Variants in EFCAB6 observed in about 807,000 individuals in gnomAD.
EFCAB6 encodes EF-hand calcium binding domain 6.
EFCAB6 carries 156 observed loss-of-function variants against 169.8 expected under a neutral mutation model. That is an observed-to-expected ratio of 0.92 (90% CI 0.81 to 1.05). EFCAB6 has a LOEUF of 1.05. Ranked by LOEUF, EFCAB6 falls within the 50% of genes least tolerant of loss-of-function variation. The pLI, the probability that EFCAB6 is intolerant of heterozygous loss-of-function variation, is 0.00. For missense variants in EFCAB6, 1,800 were observed against 1,829.1 expected (o/e 0.98, Z 0.29); for synonymous variants, 698 against 676.4 (o/e 1.03, Z -0.50).
intron 9 of EFCAB6, among the ~76,000 whole-genome samples, chr22:43,715,701 A>G (rs1556273892): frequency 2.0e-5 from 3 of 152,174 alleles, no homozygotes; most frequent in Non-Finnish European, 4.4e-5. Context: ...TGGATTGTGA[A>G]TAGTTTATTA....
At chr22:43,653,518 G>C (rs1222685857) in intron 17 of EFCAB6, among the ~76,000 whole-genome samples, 2 of 152,100 alleles carry the variant, frequency 1.3e-5, no homozygotes, top group South Asian at 2.1e-4. Context: ...CATGTAAACA[G>C]CTTGGAAGTC....
In EFCAB6 at chr22:43,530,874, TGCGCCGCATTG is replaced by T. The variant is rs2047016427; in HGVS notation, c.4313_4323del (p.Pro1438HisfsTer6). The T allele has an allele frequency of 6.2e-7, 1 of 1,614,108 alleles. No homozygotes were observed. Among genetic ancestry groups the T allele is most frequent in the Non-Finnish European group, 8.5e-7 (1 of 1,180,054 alleles). On this transcript the variant is annotated frameshift_variant, in exon 31 of 32. Transcript: ENST00000262726. LOFTEE classifies it high-confidence loss of function. ...CCAGCCTCATCATAGCTTTTGAACGTGCGCCGCATTGGCCTCCAGCAGTGCACAATTTTGGG... is the reference window on the plus strand; with the variant it reads ...CCAGCCTCATCATAGCTTTTGAACGTGCCTCCAGCAGTGCACAATTTTGGG...
Position 43,540,147 on chromosome 22 carries a change from T to C in EFCAB6, c.3859A>G (p.Lys1287Glu), listed in dbSNP as rs1302027337. Reference protein sequence around the residue: ...LPTQELRPGSKSQSHPCTPAS... With the variant: ...LPTQELRPGSESQSHPCTPAS... ...CTCACACAGGGGTGGCTCTGCGACT[T>C]TGACCCTGGTCTCAGCTCCTGAGTG... Residue 1287 changes from lysine (K) to glutamate (E), a missense_variant, in exon 28 of 32, where the codon AAG (lysine) becomes GAG (glutamate). Transcript: ENST00000262726. The C allele has an allele frequency of 1.2e-6, 2 of 1,614,118 alleles. No individual in the cohort carries two copies. Among genetic ancestry groups the C allele is most frequent in the South Asian group, 2.2e-5 (2 of 91,086 alleles).
intron 15 of EFCAB6, among the ~76,000 whole-genome samples, chr22:43,670,326 T>C (rs183245898): frequency 8.5e-5 from 13 of 152,224 alleles, no homozygotes; most frequent in Admixed American, 8.5e-4. Context: ...TTCTTCAGAG[T>C]ATAAAAGTGT....
chr22:43,774,988 G>C (rs2061592628), intron 3 of EFCAB6, among the ~76,000 whole-genome samples: 1 of 152,146 alleles, frequency 6.6e-6, no homozygotes, highest in African/African-American at 2.4e-5. Flanking sequence ...GGGAAGGAGA[G>C]TGATGGGGTG....
At chr22:43,749,569 A>G (rs2060682415) in intron 6 of EFCAB6, among the ~76,000 whole-genome samples, 1 of 151,962 alleles carries the variant, frequency 6.6e-6, no homozygotes, top group Admixed American at 6.5e-5. Flanking sequence ...GCAGTTCACA[A>G]TAGGGTTCGT....
chr22:43,763,720 GT>G (rs1224442437), intron 5 of EFCAB6, among the ~76,000 whole-genome samples: 1 of 151,016 alleles, frequency 6.6e-6, no homozygotes, highest in East Asian at 1.9e-4. Flanking sequence ...GCTTTTGTGG[GT>G]TTTTTTTCAA....
intron 26 of EFCAB6, chr22:43,570,061 A>T (rs982357335): frequency 6.6e-6 from 1 of 152,238 alleles, no homozygotes; most frequent in African/African-American, 2.4e-5. Context: ...TTCATAAAAG[A>T]TTACAAACAT....
At chr22:43,660,561 A>G (rs1443660654) in intron 17 of EFCAB6, among the ~76,000 whole-genome samples, 1 of 150,920 alleles carries the variant, frequency 6.6e-6, no homozygotes, top group African/African-American at 2.4e-5. Context: ...TTATACATTT[A>G]TAATTATATA....
chr22:43,793,776 A>G (rs1413191850), intron 2 of EFCAB6, among the ~76,000 whole-genome samples: 1 of 144,994 alleles, frequency 6.9e-6, no homozygotes, highest in Non-Finnish European at 1.5e-5. Context: ...CCACGGTCAG[A>G]TTAAAGACTT....
At chr22:43,687,150 G>A (rs2058227687) in intron 11 of EFCAB6, among the ~76,000 whole-genome samples, 1 of 152,190 alleles carries the variant, frequency 6.6e-6, no homozygotes, top group South Asian at 2.1e-4. Context: ...AGTGCTTGCC[G>A]TGGCGGCCTG....
At chr22:43,681,875 C>T (rs2058018425) in intron 12 of EFCAB6, among the ~76,000 whole-genome samples, 1 of 152,170 alleles carries the variant, frequency 6.6e-6, no homozygotes. Flanking sequence ...GTAAGCCACA[C>T]CTGATTTAAA....
intron 10 of EFCAB6, among the ~76,000 whole-genome samples, chr22:43,706,881 G>T (rs2058979739): frequency 6.6e-6 from 1 of 152,202 alleles, no homozygotes. Flanking sequence ...CCTCCTTCCA[G>T]CCTGTGGAAT....
chr22:43,669,103 TG>T, intron 15 of EFCAB6, 58 bp from the exon 16 acceptor site: 1 of 1,439,032 alleles, frequency 6.9e-7, no homozygotes, highest in Non-Finnish European at 9.2e-7. Flanking sequence ...CGGAAAAGAC[TG>T]ACCCTGCCAA....
chr22:43,604,211 T>C lies in EFCAB6; in HGVS notation c.2682-3948A>G, dbSNP rs886194141. On this transcript the variant is annotated intron_variant, in intron 22 of 31. Coordinates refer to ENST00000262726, the MANE Select transcript of EFCAB6 (RefSeq NM_022785.4). ...CGTTACCCAGTCTCAGGTATTTCTTTATAGCAGCACGAGAATAGACTAATA... is the reference window on the plus strand; with the variant it reads ...CGTTACCCAGTCTCAGGTATTTCTTCATAGCAGCACGAGAATAGACTAATA... 9.2e-5 allele frequency among the ~76,000 whole-genome samples: 14 copies of C among 152,288 alleles called. No individual in the cohort carries two copies. In the South Asian group the frequency reaches 1.5e-3, roughly 16 times the overall value.
intron 27 of EFCAB6, among the ~76,000 whole-genome samples, chr22:43,549,814 G>A (rs985220387): frequency 6.6e-6 from 1 of 152,210 alleles, no homozygotes; most frequent in Non-Finnish European, 1.5e-5. Flanking sequence ...AATACCTCAT[G>A]AGCAAGTTTG....
At chr22:43,808,393 A>C (rs1361272248) in intron 2 of EFCAB6, among the ~76,000 whole-genome samples, 1 of 152,200 alleles carries the variant, frequency 6.6e-6, no homozygotes, top group Non-Finnish European at 1.5e-5. Context: ...CTTAACATGG[A>C]ATCGCGGTCC....
In EFCAB6 at chr22:43,626,624, A is replaced by T. The variant is rs1021528111; in HGVS notation, c.2288T>A (p.Met763Lys). 6.2e-7 allele frequency: 1 copy of T among 1,614,198 alleles called. No individual in the cohort carries two copies. Among genetic ancestry groups the T allele is most frequent in the South Asian group, 1.1e-5 (1 of 91,080 alleles). ...CAGGAGCAGTCTGTGAAGGTCATGC[A>T]TGTTGATTATGCCATCCCTGTCAGC... ...TDADRDGIIN[M>K]HDLHRLLLHL... The change falls in exon 20 of 32, where the codon ATG becomes AAG. Residue 763 changes from methionine to lysine, a missense_variant. By Grantham distance (95) the Met-to-Lys change is moderately conservative. Coordinates refer to ENST00000262726, the MANE Select transcript of EFCAB6 (RefSeq NM_022785.4).
At chr22:43,763,109 G>A (rs190571575) in intron 5 of EFCAB6, among the ~76,000 whole-genome samples, 1 of 152,188 alleles carries the variant, frequency 6.6e-6, no homozygotes, top group Non-Finnish European at 1.5e-5. Flanking sequence ...TGCGATCTGG[G>A]CTCACTACAA....
Sources: allele counts gnomAD v4.1 joint callset (sites outside exome capture counted in the v4.1 genomes callset), GRCh38; gene constraint gnomAD v4.1.1; transcripts MANE v1.5; gene names NCBI Gene and HGNC (gene_info 2026-07-23, HGNC 2026-07-21).